ME3: variants seen among roughly 807,000 people sequenced by gnomAD.
The protein encoded by ME3 is malic enzyme 3.
In ME3, 48 loss-of-function variants were observed where a neutral mutation model predicts 68.9. The observed-to-expected ratio is 0.70, with a 90% CI of 0.55 to 0.89. ME3 has a LOEUF of 0.89. Among genes scored for constraint, ME3 ranks in the 40% least tolerant of loss-of-function variants. The pLI, the probability that ME3 is intolerant of heterozygous loss-of-function variation, is 0.00. For synonymous variants in ME3, 320 were observed against 318.8 expected (o/e 1.00, Z -0.04); for missense variants, 675 against 797.4 (o/e 0.85, Z 1.85).
chr11:86,510,018 C>T (rs1953399632), intron 4 of ME3, among the ~76,000 whole-genome samples: 2 of 152,106 alleles, frequency 1.3e-5, no homozygotes, highest in African/African-American at 4.8e-5. Flanking sequence ...CAAAATAAAA[C>T]ACCAAAAAAA....
chr11:86,564,286 T>C (rs952461131), intron 2 of ME3, among the ~76,000 whole-genome samples: 1 of 152,182 alleles, frequency 6.6e-6, no homozygotes, highest in African/African-American at 2.4e-5. Context: ...TATTGTTAAA[T>C]TTTAAGTGTT....
At chr11:86,436,350 A>T (rs1407687064), downstream of ME3, 2 of 152,040 alleles carry the variant, frequency 1.3e-5, no homozygotes, top group Non-Finnish European at 2.9e-5. Context: ...CTCATTTTAA[A>T]ATTTGAATTG....
chr11:86,553,090 G>T (rs1470019365), intron 4 of ME3, among the ~76,000 whole-genome samples: 3 of 152,194 alleles, frequency 2.0e-5, no homozygotes, highest in African/African-American at 7.2e-5. Flanking sequence ...CCTCAAGCCA[G>T]GCTCATGGAG....
At chr11:86,547,256 A>AAG (rs1956417263) in intron 4 of ME3, among the ~76,000 whole-genome samples, 2 of 151,458 alleles carry the variant, frequency 1.3e-5, no homozygotes, top group East Asian at 3.9e-4. Flanking sequence ...AAAAAAAAAA[A>AAG]AAAAGAAAAT....
chr11:86,630,874 G>A (rs552214188), intron 2 of ME3, among the ~76,000 whole-genome samples: 1 of 152,246 alleles, frequency 6.6e-6, no homozygotes, highest in African/African-American at 2.4e-5. Context: ...TTGAAAGGGA[G>A]CCACAGCTAA....
chr11:86,620,926 A>C (rs982028677), intron 2 of ME3, among the ~76,000 whole-genome samples: 6 of 152,234 alleles, frequency 3.9e-5, no homozygotes, highest in Middle Eastern at 6.8e-3. Context: ...GTCTTGGTGC[A>C]TTTTCCCAGC....
At chr11:86,644,587 T>C (rs993553106) in intron 2 of ME3, among the ~76,000 whole-genome samples, 7 of 152,242 alleles carry the variant, frequency 4.6e-5, no homozygotes, top group Non-Finnish European at 1.0e-4. Flanking sequence ...CTACGTGATA[T>C]AAGCTGTTCC....
intron 2 of ME3, among the ~76,000 whole-genome samples, chr11:86,653,054 GTA>G (rs1323381664): frequency 6.6e-6 from 1 of 152,000 alleles, no homozygotes; most frequent in African/African-American, 2.4e-5. Flanking sequence ...ACTATCCTAA[GTA>G]TATATGCACC....
chr11:86,534,279 C>CA (rs893014340), intron 4 of ME3, among the ~76,000 whole-genome samples: 1 of 151,260 alleles, frequency 6.6e-6, no homozygotes, highest in Non-Finnish European at 1.5e-5. Flanking sequence ...AAATTTTTTT[C>CA]AAAAAAAATT....
chr11:86,488,196 AAATG>A (rs1050821133), intron 6 of ME3, among the ~76,000 whole-genome samples: 1 of 152,080 alleles, frequency 6.6e-6, no homozygotes, highest in African/African-American at 2.4e-5. Context: ...AAAGAAGAAA[AAATG>A]AATGTCTTGA....
intron 4 of ME3, among the ~76,000 whole-genome samples, chr11:86,515,591 AC>A (rs1164599486): frequency 6.6e-6 from 1 of 152,094 alleles, no homozygotes; most frequent in Non-Finnish European, 1.5e-5. Context: ...ACACTGTAAA[AC>A]CCTGTAGACA....
intron 5 of ME3, among the ~76,000 whole-genome samples, chr11:86,504,811 C>G (rs373113886): frequency 3.8e-4 from 58 of 152,194 alleles, no homozygotes; most frequent in African/African-American, 1.3e-3. Flanking sequence ...CTGGCTCAGC[C>G]TCCTGAATAG....
chr11:86,557,102 G>A (rs1323767602), intron 3 of ME3, among the ~76,000 whole-genome samples: 3 of 152,162 alleles, frequency 2.0e-5, no homozygotes, highest in African/African-American at 7.2e-5. Context: ...CACTGTTCAA[G>A]ATGCTTATGA....
At chr11:86,579,163 G>C (rs1958289930) in intron 2 of ME3, among the ~76,000 whole-genome samples, 1 of 152,114 alleles carries the variant, frequency 6.6e-6, no homozygotes, top group Non-Finnish European at 1.5e-5. Context: ...TCAGTCTAAT[G>C]ATCTTTTCAT....
At chr11:86,522,221 G>C (rs1954369779) in intron 4 of ME3, among the ~76,000 whole-genome samples, 1 of 150,724 alleles carries the variant, frequency 6.6e-6, no homozygotes, top group South Asian at 2.1e-4. Context: ...TTGCACTCCA[G>C]CCTGGGTGAC....
chr11:86,552,774 A>G (rs1035446519), intron 4 of ME3, among the ~76,000 whole-genome samples: 2 of 152,122 alleles, frequency 1.3e-5, no homozygotes, highest in African/African-American at 4.8e-5. Context: ...AAGTGTCATA[A>G]TGTTTTCTTT....
chr11:86,601,534 A>G (rs1237473229), intron 2 of ME3, among the ~76,000 whole-genome samples: 1 of 152,078 alleles, frequency 6.6e-6, no homozygotes, highest in Non-Finnish European at 1.5e-5. Flanking sequence ...ACAAGGAGGA[A>G]CTGGTACCAT....
chr11:86,442,754 T>C (rs1949070380), intron 14 of ME3, 67 bp downstream of exon 14: 1 of 1,366,604 alleles, frequency 7.3e-7, no homozygotes. Context: ...TTAACCCTCC[T>C]AAAGTCACAG....
intron 4 of ME3, among the ~76,000 whole-genome samples, chr11:86,515,492 G>GTT (rs1953834076): frequency 6.6e-6 from 1 of 152,186 alleles, no homozygotes; most frequent in Non-Finnish European, 1.5e-5. Flanking sequence ...CTGTGCCTTA[G>GTT]TTTTCTCAGC....
Sources: gnomAD v4.1 joint callset for allele counts (sites outside exome capture counted in the v4.1 genomes callset) on GRCh38, gnomAD v4.1.1 for gene constraint, MANE v1.5 for transcripts, NCBI Gene and HGNC (gene_info 2026-07-23, HGNC 2026-07-21) for gene names.